The following SPMIP7 variants were observed in gnomAD, a reference collection of about 807,000 sequenced individuals.
The protein encoded by SPMIP7 is sperm microtubule inner protein 7, also known as protein SPMIP7.
the SPMIP7 span, among the ~76,000 whole-genome samples, chr7:50,113,699 A>T: frequency 6.6e-6 from 1 of 152,120 alleles, no homozygotes; most frequent in African/African-American, 2.4e-5. Flanking sequence ...ATCTAGTAAG[A>T]AGTCTAACAT....
the SPMIP7 span, among the ~76,000 whole-genome samples, chr7:50,152,324 A>T: frequency 6.6e-6 from 1 of 152,194 alleles, no homozygotes; most frequent in Non-Finnish European, 1.5e-5. Flanking sequence ...CAGACTGGGC[A>T]ACAGAGTGAG....
At chr7:50,132,480 T>C in the SPMIP7 span, among the ~76,000 whole-genome samples, 1 of 152,150 alleles carries the variant, frequency 6.6e-6, no homozygotes, top group Non-Finnish European at 1.5e-5. Context: ...CAAATCATAG[T>C]ATTAAGTAGT....
At chr7:50,126,597 G>T in the SPMIP7 span, among the ~76,000 whole-genome samples, 1 of 151,670 alleles carries the variant, frequency 6.6e-6, no homozygotes, top group Non-Finnish European at 1.5e-5. Flanking sequence ...GGAAATCTTA[G>T]ATTAATATTT....
the SPMIP7 span, among the ~76,000 whole-genome samples, chr7:50,158,448 C>A: frequency 9.4e-5 from 14 of 148,264 alleles, no homozygotes; most frequent in African/African-American, 3.5e-4. Context: ...AGGCCCGGGC[C>A]CCTCCCACCG....
the SPMIP7 span, chr7:50,096,055 A>T: frequency 1.5e-6 from 2 of 1,363,750 alleles, no homozygotes; most frequent in South Asian, 1.6e-5. Flanking sequence ...GAAATACTTT[A>T]TAGTTATCAA....
chr7:50,145,072 G>C, the SPMIP7 span, among the ~76,000 whole-genome samples: 1 of 151,776 alleles, frequency 6.6e-6, no homozygotes, highest in Non-Finnish European at 1.5e-5. Flanking sequence ...GATCAGGCTG[G>C]CCAACATGGT....
At chr7:50,105,738 G>A in the SPMIP7 span, among the ~76,000 whole-genome samples, 1 of 152,290 alleles carries the variant, frequency 6.6e-6, no homozygotes, top group South Asian at 2.1e-4. Context: ...AATTTTGCCT[G>A]TTCTAGGCTA....
chr7:50,127,554 T>C, the SPMIP7 span, among the ~76,000 whole-genome samples: 4 of 150,878 alleles, frequency 2.7e-5, no homozygotes, highest in African/African-American at 9.7e-5. Flanking sequence ...TCTATAGCTA[T>C]GTATATATAT....
chr7:50,152,876 A>C, the SPMIP7 span, among the ~76,000 whole-genome samples: 1 of 152,022 alleles, frequency 6.6e-6, no homozygotes, highest in African/African-American at 2.4e-5. Flanking sequence ...TGGTAGAGAC[A>C]GGGTTTCCCC....
the SPMIP7 span, among the ~76,000 whole-genome samples, chr7:50,130,028 T>TG: frequency 6.6e-6 from 1 of 151,040 alleles, no homozygotes; most frequent in Non-Finnish European, 1.5e-5. Flanking sequence ...AAAGAGGGAG[T>TG]GGGGGGATAA....
the SPMIP7 span, among the ~76,000 whole-genome samples, chr7:50,126,300 A>C: frequency 6.6e-6 from 1 of 152,046 alleles, no homozygotes; most frequent in Admixed American, 6.6e-5. Flanking sequence ...ACTTAGATGA[A>C]ATGAATAAAA....
the SPMIP7 span, among the ~76,000 whole-genome samples, chr7:50,145,265 GA>G: frequency 3.5e-4 from 48 of 136,660 alleles, no homozygotes; most frequent in Admixed American, 3.7e-4. Flanking sequence ...TCTCAAAAAT[GA>G]AAAAAAAAAA....
the SPMIP7 span, among the ~76,000 whole-genome samples, chr7:50,104,088 A>C: frequency 6.6e-6 from 1 of 152,338 alleles, no homozygotes; most frequent in African/African-American, 2.4e-5. Context: ...TTCTAATAAT[A>C]AGTAAGAAAT....
chr7:50,146,246 G>C, the SPMIP7 span, among the ~76,000 whole-genome samples: 1 of 152,198 alleles, frequency 6.6e-6, no homozygotes, highest in Non-Finnish European at 1.5e-5. Flanking sequence ...CAGATGAGGA[G>C]GCTGAGGCCA....
the SPMIP7 span, chr7:50,134,383 TATACACAC>T: frequency 3.5e-6 from 2 of 578,970 alleles, no homozygotes; most frequent in Non-Finnish European, 5.7e-6. Context: ...AGTAAATATA[TATACACAC>T]ACACACACAC....
chr7:50,096,641 A>G, the SPMIP7 span: 1 of 1,523,078 alleles, frequency 6.6e-7, no homozygotes. Flanking sequence ...ACTTGGAGGT[A>G]AATGAAGTGA....
the SPMIP7 span, among the ~76,000 whole-genome samples, chr7:50,132,035 T>C: frequency 6.6e-6 from 1 of 152,138 alleles, no homozygotes; most frequent in Admixed American, 6.6e-5. Context: ...CCAAACATAG[T>C]GTCATGAAAC....
At chr7:50,135,941 G>A in the SPMIP7 span, among the ~76,000 whole-genome samples, 2 of 152,196 alleles carry the variant, frequency 1.3e-5, no homozygotes, top group African/African-American at 2.4e-5. Flanking sequence ...GCTCCAGACC[G>A]AATCCATGAA....
At chr7:50,157,926 C>T in the SPMIP7 span, among the ~76,000 whole-genome samples, 2 of 152,184 alleles carry the variant, frequency 1.3e-5, no homozygotes, top group African/African-American at 2.4e-5. Context: ...AATTATCACA[C>T]CAAACTTGAT....
Sources: allele counts gnomAD v4.1 joint callset (sites outside exome capture counted in the v4.1 genomes callset), GRCh38; gene constraint gnomAD v4.1.1; transcripts MANE v1.5; gene names NCBI Gene and HGNC (gene_info 2026-07-23, HGNC 2026-07-21).